INSC: variants seen among roughly 807,000 people sequenced by gnomAD.
INSC encodes protein inscuteable homolog.
A neutral mutation model predicts 58.6 loss-of-function variants in INSC; 67 were observed. That is an observed-to-expected ratio of 1.14 (90% CI 0.94 to 1.40). The LOEUF (loss-of-function observed/expected upper bound fraction) is 1.40. Among genes scored for constraint, INSC ranks in the 40% most tolerant of loss-of-function variants. INSC has a pLI of 0.00. For missense variants in INSC, 714 were observed against 692.0 expected (o/e 1.03, Z -0.36); for synonymous variants, 262 against 276.1 (o/e 0.95, Z 0.51).
intron 6 of INSC, among the ~76,000 whole-genome samples, chr11:15,196,626 G>A (rs1219646539): frequency 6.6e-6 from 1 of 152,138 alleles, no homozygotes; most frequent in Non-Finnish European, 1.5e-5. Flanking sequence ...GGGGCAAATG[G>A]GAGAATATGA....
intron 9 of INSC, among the ~76,000 whole-genome samples, chr11:15,229,934 A>ATATATATAATAT (rs1851785214): frequency 3.5e-5 from 1 of 28,710 alleles, no homozygotes; most frequent in African/African-American, 1.1e-4. Context: ...TTTATATATT[A>ATATATATAATAT]TATATATATA....
intron 9 of INSC, among the ~76,000 whole-genome samples, chr11:15,234,142 A>C (rs1408925124): frequency 1.3e-5 from 2 of 152,214 alleles, no homozygotes; most frequent in Non-Finnish European, 2.9e-5. Context: ...GGTGGTACAG[A>C]GTTGCTTTCA....
At chr11:15,215,239 A>G (rs75073220) in intron 7 of INSC, among the ~76,000 whole-genome samples, 2,001 of 152,342 alleles carry the variant, frequency 0.013, 52 homozygotes, top group African/African-American at 0.046. Flanking sequence ...CTAATTATCT[A>G]TAAGTGCTTC....
rs1022203343 is a variant in INSC at position 15,173,948 on chromosome 11, C to G, written c.57-1793C>G. Among the ~76,000 whole-genome samples the G allele has an allele frequency of 2.0e-5, 3 of 152,204 alleles. No individual in the cohort carries two copies. The East Asian group carries it at 5.8e-4, about 29-fold the overall frequency. ...AGTCTGCCTTATAATTTCAACCCTA[C>G]TTGGTACCTTTGCTTCACCAGGCTG... On this transcript the variant is annotated intron_variant, in intron 2 of 12. Coordinates refer to ENST00000379556, the MANE Select transcript of INSC (RefSeq NM_001042536.3).
At chr11:15,157,207 G>A (rs1315250079) in intron 2 of INSC, among the ~76,000 whole-genome samples, 1 of 152,158 alleles carries the variant, frequency 6.6e-6, no homozygotes, top group Non-Finnish European at 1.5e-5. Context: ...AATCTTAATA[G>A]CATCAACTTC....
At position 15,225,826 on chromosome 11, in the gene INSC, C is replaced by G; in HGVS notation, c.1168C>G (p.Gln390Glu). ...AGTGGACACGCCTTACACTCGGGAC[C>G]AGGTAAGACGCCCAGAAGGCACTGA... ...QRVDTPYTRD[Q>E]IVTILANMSV... The change falls in exon 9 of 13, where the codon CAG (glutamine) becomes GAG (glutamate). Residue 390 changes from glutamine to glutamate, a missense_variant and splice_region_variant. Transcript: ENST00000379556. 6.2e-7 allele frequency: 1 copy of G among 1,611,438 alleles called. No homozygotes were observed. Among genetic ancestry groups the G allele is most frequent in the Admixed American group, 1.7e-5 (1 of 59,796 alleles).
intron 2 of INSC, among the ~76,000 whole-genome samples, chr11:15,163,673 A>C (rs1849093988): frequency 6.6e-6 from 1 of 152,120 alleles, no homozygotes; most frequent in Non-Finnish European, 1.5e-5. Context: ...GGCTCACTGC[A>C]ACCTCCGCTT....
At chr11:15,121,042 T>G (rs990168085) in intron 1 of INSC, among the ~76,000 whole-genome samples, 1 of 130,998 alleles carries the variant, frequency 7.6e-6, no homozygotes, top group African/African-American at 2.8e-5. Flanking sequence ...ATATATTTAT[T>G]GTTTTATTAT....
chr11:15,186,592 C>T (rs1200900841), intron 5 of INSC, among the ~76,000 whole-genome samples: 2 of 152,148 alleles, frequency 1.3e-5, no homozygotes, highest in Admixed American at 6.5e-5. Context: ...ATTGGATATT[C>T]CCACTTAGGA....
rs189441473 is a variant in INSC, at chr11:15,212,584, T to G, written c.820-8893T>G. On this transcript the variant is annotated intron_variant, in intron 7 of 12. Transcript: ENST00000379556. ...TTTAGTGCTGGCATCTTGCACATCT[T>G]TTTTAGATTTATTCCTAGTTATGAT... Among the ~76,000 whole-genome samples the G allele has an allele frequency of 3.3e-5, 5 of 152,368 alleles. No homozygotes were observed. The East Asian group carries it at 9.6e-4, about 29-fold the overall frequency.
intron 5 of INSC, among the ~76,000 whole-genome samples, chr11:15,186,157 G>C (rs939551580): frequency 1.3e-5 from 2 of 152,112 alleles, no homozygotes; most frequent in Non-Finnish European, 2.9e-5. Flanking sequence ...CTGAGTCCAC[G>C]AGGGTCAGTA....
At position 15,135,966 on chromosome 11, in the gene INSC, C is replaced by T. The variant is rs1037942994; in HGVS notation, c.-45-13164C>T. On this transcript the variant is annotated intron_variant, in intron 1 of 12. Coordinates refer to ENST00000379556, the MANE Select transcript of INSC (RefSeq NM_001042536.3). Reference sequence around the variant, plus strand: ...GAAGGAAGACTAGATGCTCACATGACGGAGGTAGAAGGGCCAAGAAAGTGA... The same window carrying T: ...GAAGGAAGACTAGATGCTCACATGATGGAGGTAGAAGGGCCAAGAAAGTGA... Among the ~76,000 whole-genome samples, 11 of 152,178 alleles carry T rather than the reference C, an allele frequency of 7.2e-5. No individual in the cohort carries two copies. In the East Asian group the frequency reaches 7.7e-4, roughly 11 times the overall value.
chr11:15,153,652 TGAGAAGGCA>T (rs915127140), intron 2 of INSC, among the ~76,000 whole-genome samples: 4 of 152,240 alleles, frequency 2.6e-5, no homozygotes, highest in Non-Finnish European at 5.9e-5. Flanking sequence ...GGTGTGACCC[TGAGAAGGCA>T]GAGGGACAAT....
At chr11:15,171,800 G>T (rs1411136496) in intron 2 of INSC, among the ~76,000 whole-genome samples, 1 of 152,250 alleles carries the variant, frequency 6.6e-6, no homozygotes, top group Admixed American at 6.5e-5. Context: ...TGGAACAACT[G>T]AAGTTGCCAT....
chr11:15,247,790 C>A (rs1852607374), downstream of INSC, among the ~76,000 whole-genome samples: 1 of 144,026 alleles, frequency 6.9e-6, no homozygotes, highest in South Asian at 2.2e-4. Flanking sequence ...CAGATATTGG[C>A]AACTTTCATT....
intron 2 of INSC, among the ~76,000 whole-genome samples, chr11:15,150,474 T>C (rs996960091): frequency 6.6e-6 from 1 of 152,236 alleles, no homozygotes; most frequent in Admixed American, 6.5e-5. Context: ...CATTTTGCAG[T>C]GCCATTGTTC....
chr11:15,206,562 A>C (rs1032206005), intron 7 of INSC, among the ~76,000 whole-genome samples: 3 of 152,206 alleles, frequency 2.0e-5, no homozygotes, highest in Admixed American at 6.5e-5. Flanking sequence ...TAAGGGCCCC[A>C]GAGCCACACA....
chr11:15,163,745 C>T (rs1849097051), intron 2 of INSC, among the ~76,000 whole-genome samples: 2 of 152,118 alleles, frequency 1.3e-5, no homozygotes, highest in Admixed American at 6.5e-5. Flanking sequence ...AGGTACCTGC[C>T]ACCACGCTCA....
chr11:15,145,259 C>T (rs1338512489), intron 1 of INSC, among the ~76,000 whole-genome samples: 2 of 152,146 alleles, frequency 1.3e-5, no homozygotes, highest in South Asian at 2.1e-4. Flanking sequence ...CCACATTTTC[C>T]GTGGGTTGGC....
Sources: gnomAD v4.1 joint callset for allele counts (sites outside exome capture counted in the v4.1 genomes callset) on GRCh38, gnomAD v4.1.1 for gene constraint, MANE v1.5 for transcripts, NCBI Gene and HGNC (gene_info 2026-07-23, HGNC 2026-07-21) for gene names.